FSIP1: variants seen among roughly 807,000 people sequenced by gnomAD.
FSIP1 encodes fibrous sheath-interacting protein 1.
A neutral mutation model predicts 60.9 loss-of-function variants in FSIP1; 65 were observed. That is an observed-to-expected ratio of 1.07 (90% CI 0.87 to 1.31). The LOEUF is 1.31. FSIP1 is among the 40% of genes most tolerant of loss of function. The probability of loss-of-function intolerance (pLI) is 0.00; values close to 1 mark genes in which losing one functional copy is unlikely to be tolerated. For synonymous variants in FSIP1, 209 were observed against 221.2 expected, an observed-to-expected ratio of 0.94 and a Z score of 0.49; for missense variants, 675 against 665.5, an observed-to-expected ratio of 1.01 and a Z score of -0.16.
At chr15:39,765,818 T>C in intron 3 of FSIP1, 72 bp from the exon 4 acceptor site, 2 of 840,180 alleles carry the variant, frequency 2.4e-6, no homozygotes, top group South Asian at 4.0e-5. Flanking sequence ...GTTCTTACAA[T>C]TTGTTCTTTC....
rs145516857 is a variant in FSIP1 at position 39,694,629 on chromosome 15, G to A, written c.1188+18815C>T. The stretch of plus-strand genomic sequence containing the variant: ...CAGCCTGGCCAACATGGGGAACGCC[G>A]TCTCTACTAAAAATACAAAAATCAG... On this transcript the variant is annotated intron_variant, in intron 10 of 11. Transcript: ENST00000350221. Among the ~76,000 whole-genome samples the A allele has an allele frequency of 5.3e-3, 800 of 151,892 alleles. 3 individuals are homozygous for A. The highest frequency in any genetic ancestry group is 0.018 in the African/African-American group (762 of 41,426).
rs560761139 is a variant in FSIP1, at chr15:39,667,257, T to A, written c.1188+46187A>T. Among the ~76,000 whole-genome samples, 7 of 152,340 alleles carry A rather than the reference T, an allele frequency of 4.6e-5. No individual in the cohort carries two copies. The East Asian group carries it at 1.3e-3, about 29-fold the overall frequency. The stretch of plus-strand genomic sequence containing the variant: ...ATAAATCAAAAGTACCATGAGTTTT[T>A]TTTAACATGACACAACAGCATACAC... On this transcript the variant is annotated intron_variant, in intron 10 of 11. Transcript: ENST00000350221.
At chr15:39,761,604 A>G (rs1046698862) in intron 5 of FSIP1, among the ~76,000 whole-genome samples, 1 of 152,164 alleles carries the variant, frequency 6.6e-6, no homozygotes, top group Non-Finnish European at 1.5e-5. Context: ...AAAGGGTACA[A>G]AGTCTCAGTT....
chr15:39,613,405 T>C (rs944844088), intron 11 of FSIP1, among the ~76,000 whole-genome samples: 46 of 141,278 alleles, frequency 3.3e-4, no homozygotes, highest in Admixed American at 9.5e-4. Flanking sequence ...GGCTGAATCA[T>C]AAAGAAACAA....
chr15:39,629,733 C>T (rs575985637), intron 10 of FSIP1, among the ~76,000 whole-genome samples: 7 of 152,304 alleles, frequency 4.6e-5, no homozygotes, highest in African/African-American at 1.4e-4. Flanking sequence ...TTTATAGGAG[C>T]CTCGTTGAAT....
intron 10 of FSIP1, among the ~76,000 whole-genome samples, chr15:39,642,271 A>G (rs917377263): frequency 6.6e-6 from 1 of 152,198 alleles, no homozygotes; most frequent in African/African-American, 2.4e-5. Flanking sequence ...GGGACCGAAG[A>G]GTCTTAACGC....
chr15:39,656,476 C>T (rs907162424), intron 10 of FSIP1, among the ~76,000 whole-genome samples: 2 of 152,160 alleles, frequency 1.3e-5, no homozygotes, highest in African/African-American at 4.8e-5. Flanking sequence ...CTAAAACTAA[C>T]GATTGTCTGA....
In FSIP1 at chr15:39,619,975, A is replaced by G. The variant is rs150082020; in HGVS notation, c.1189-1730T>C. ...CATTTCCAAAAGTAATATTGATATG[A>G]TAGATGTTTGGCAGTTCTGATGATG... On this transcript the variant is annotated intron_variant, in intron 10 of 11. Transcript: ENST00000350221. Among the ~76,000 whole-genome samples, 412 of 152,306 alleles carry G rather than the reference A, an allele frequency of 2.7e-3. 2 individuals carry two copies. Among genetic ancestry groups the G allele is most frequent in the African/African-American group, 9.3e-3 (385 of 41,550 alleles).
At chr15:39,714,972 CAAAA>C (rs34491210) in intron 9 of FSIP1, among the ~76,000 whole-genome samples, 1 of 89,570 alleles carries the variant, frequency 1.1e-5, no homozygotes. Context: ...GACTCTGTCT[CAAAA>C]AAAAAAAAAA....
intron 11 of FSIP1, among the ~76,000 whole-genome samples, chr15:39,606,370 G>T (rs1890824737): frequency 6.6e-6 from 1 of 152,052 alleles, no homozygotes; most frequent in Admixed American, 6.5e-5. Flanking sequence ...CATATCTATG[G>T]GATACACAGT....
intron 10 of FSIP1, among the ~76,000 whole-genome samples, chr15:39,634,593 A>G (rs1261869050): frequency 6.6e-6 from 1 of 152,144 alleles, no homozygotes; most frequent in African/African-American, 2.4e-5. Flanking sequence ...TTATCCAGCA[A>G]TTTCATTTTT....
intron 10 of FSIP1, among the ~76,000 whole-genome samples, chr15:39,636,108 T>C (rs1277307512): frequency 6.6e-6 from 1 of 152,170 alleles, no homozygotes; most frequent in Non-Finnish European, 1.5e-5. Flanking sequence ...GCTCTTATAG[T>C]AGTACGTGAC....
intron 10 of FSIP1, among the ~76,000 whole-genome samples, chr15:39,679,569 T>C (rs1894078971): frequency 6.6e-6 from 1 of 152,132 alleles, no homozygotes. Context: ...GCCACTGCAC[T>C]CTGGCCTGGG....
At chr15:39,780,407 C>A (rs1446220282) in intron 1 of FSIP1, among the ~76,000 whole-genome samples, 2 of 152,140 alleles carry the variant, frequency 1.3e-5, no homozygotes, top group Non-Finnish European at 2.9e-5. Context: ...CGCCTGTAGT[C>A]CCAGCTACTC....
intron 10 of FSIP1, among the ~76,000 whole-genome samples, chr15:39,699,089 A>G (rs1894949216): frequency 6.6e-6 from 1 of 152,214 alleles, no homozygotes. Flanking sequence ...AAGGGAAAAG[A>G]TGAAGGGCAA....
At chr15:39,744,872 TGAA>T (rs1270623756) in intron 5 of FSIP1, among the ~76,000 whole-genome samples, 7 of 151,408 alleles carry the variant, frequency 4.6e-5, no homozygotes, top group Non-Finnish European at 1.0e-4. Context: ...CATGCCCCTG[TGAA>T]GAAGACTGGG....
intron 10 of FSIP1, among the ~76,000 whole-genome samples, chr15:39,677,841 C>A (rs1445417219): frequency 3.3e-5 from 5 of 151,940 alleles, no homozygotes; most frequent in African/African-American, 1.2e-4. Flanking sequence ...ACTAAAAATA[C>A]AAAAATTGGC....
At chr15:39,657,754 A>G (rs186336012) in intron 10 of FSIP1, among the ~76,000 whole-genome samples, 7 of 152,276 alleles carry the variant, frequency 4.6e-5, no homozygotes, top group Admixed American at 2.6e-4. Flanking sequence ...GAAAACAACC[A>G]AAGTCTCTAC....
At chr15:39,728,971 C>T (rs1047474162) in intron 8 of FSIP1, among the ~76,000 whole-genome samples, 1 of 151,992 alleles carries the variant, frequency 6.6e-6, no homozygotes, top group Non-Finnish European at 1.5e-5. Flanking sequence ...ATACACATAG[C>T]CAACAAGCAT....
Sources: allele counts gnomAD v4.1 joint callset (sites outside exome capture counted in the v4.1 genomes callset), GRCh38; gene constraint gnomAD v4.1.1; transcripts MANE v1.5; gene names NCBI Gene and HGNC (gene_info 2026-07-23, HGNC 2026-07-21).